The following NELL1 variants were observed in gnomAD, a reference collection of about 807,000 sequenced individuals.
The protein encoded by NELL1 is neural EGFL like 1.
A neutral mutation model predicts 107.4 loss-of-function variants in NELL1; 76 were observed. The observed-to-expected ratio is 0.71, with a 90% CI of 0.59 to 0.86. The LOEUF is 0.86. NELL1 is among the 40% of genes least tolerant of loss of function. The pLI, the probability that NELL1 is intolerant of heterozygous loss-of-function variation, is 0.00. For missense variants in NELL1, 1,024 were observed against 1,005.5 expected (o/e 1.02, Z -0.25); for synonymous variants, 353 against 341.2 (o/e 1.03, Z -0.38).
At chr11:21,458,509 TCA>T (rs1411428667) in intron 15 of NELL1, among the ~76,000 whole-genome samples, 1 of 152,178 alleles carries the variant, frequency 6.6e-6, no homozygotes, top group Non-Finnish European at 1.5e-5. Context: ...TATGGTGTAT[TCA>T]CAGAGTAGTC....
intron 2 of NELL1, among the ~76,000 whole-genome samples, chr11:20,692,320 T>A (rs1357560456): frequency 6.6e-6 from 1 of 152,110 alleles, no homozygotes; most frequent in Non-Finnish European, 1.5e-5. Flanking sequence ...TTTCTTGCCT[T>A]CTGCTAGCTT....
intron 13 of NELL1, among the ~76,000 whole-genome samples, chr11:21,192,956 A>C (rs1396237834): frequency 6.6e-6 from 1 of 151,872 alleles, no homozygotes; most frequent in African/African-American, 2.4e-5. Flanking sequence ...GTTTTTGTAG[A>C]GCTTTTAATG....
At chr11:20,820,903 A>T (rs1246152292) in intron 3 of NELL1, among the ~76,000 whole-genome samples, 1 of 152,128 alleles carries the variant, frequency 6.6e-6, no homozygotes, top group African/African-American at 2.4e-5. Context: ...ACCTAACAAT[A>T]TATATTTATT....
rs750008633 is a variant in NELL1 at position 20,927,311 on chromosome 11, A to C, written c.763A>C (p.Asn255His). 1.2e-6 allele frequency: 2 copies of C among 1,604,548 alleles called. No homozygotes were observed. Among genetic ancestry groups the C allele is most frequent in the South Asian group, 2.3e-5 (2 of 88,184 alleles). The change falls in exon 8 of 20, where the codon AAT becomes CAT. Residue 255 changes from asparagine (N) to histidine (H), a missense_variant. Transcript: ENST00000357134. Reference sequence around the variant, plus strand: ...ATTCAGTAACTCTTGTTTGCAGCTAAATTATGCAGAGACAAGACTTAGTCA... The same window carrying C: ...ATTCAGTAACTCTTGTTTGCAGCTACATTATGCAGAGACAAGACTTAGTCA... Reference protein sequence around the residue: ...ELLAKMTAKLNYAETRLSQLE... With the variant: ...ELLAKMTAKLHYAETRLSQLE...
chr11:21,145,063 T>C (rs1855947843), intron 13 of NELL1, among the ~76,000 whole-genome samples: 1 of 152,320 alleles, frequency 6.6e-6, no homozygotes, highest in South Asian at 2.1e-4. Flanking sequence ...AGTTGGCACA[T>C]GTAAAGCGCT....
intron 12 of NELL1, among the ~76,000 whole-genome samples, chr11:20,964,251 A>G (rs181984555): frequency 2.4e-3 from 358 of 152,218 alleles, no homozygotes; most frequent in African/African-American, 6.5e-3. Context: ...AGGAAAGTAT[A>G]GCAATAGGGG....
At chr11:20,908,616 G>A (rs554371028) in intron 5 of NELL1, among the ~76,000 whole-genome samples, 2 of 152,148 alleles carry the variant, frequency 1.3e-5, no homozygotes, top group East Asian at 3.9e-4. Context: ...AGCCCCCATG[G>A]CACACGTATA....
rs1237241848 is a variant in NELL1, at chr11:21,374,877, C to CTGTGTG, written c.1645+3933_1645+3938dup. Reference sequence around the variant, plus strand: ...CAGCTACCAGGCTGTGTGGAACTGACTGTGTGTGTCTGTGTGTGTGTGTGT... The same window carrying CTGTGTG: ...CAGCTACCAGGCTGTGTGGAACTGACTGTGTGTGTGTGTGTCTGTGTGTGTGTGTGT... On this transcript the variant is annotated intron_variant, in intron 15 of 19. Coordinates refer to ENST00000357134, the MANE Select transcript of NELL1 (RefSeq NM_006157.5). 8.2e-4 allele frequency among the ~76,000 whole-genome samples: 74 copies of CTGTGTG among 89,888 alleles called. 2 individuals carry two copies. The South Asian group carries it at 0.039, about 47-fold the overall frequency. 59.0% of individuals were successfully genotyped at this position (89,888 alleles called of 152,430 possible). A position where few individuals can be genotyped will look rare whatever the true frequency, so the allele number is the denominator to read the frequency against.
chr11:20,793,472 G>A (rs1857113232), intron 3 of NELL1, among the ~76,000 whole-genome samples: 1 of 151,926 alleles, frequency 6.6e-6, no homozygotes, highest in Admixed American at 6.6e-5. Flanking sequence ...TGATCAAGTG[G>A]ACTGTTTTTC....
chr11:20,949,172 C>T (rs997931463), intron 11 of NELL1, among the ~76,000 whole-genome samples: 1 of 152,138 alleles, frequency 6.6e-6, no homozygotes, highest in African/African-American at 2.4e-5. Flanking sequence ...ACTGTTGACC[C>T]CTCCCTTAGC....
intron 15 of NELL1, among the ~76,000 whole-genome samples, chr11:21,372,780 A>T (rs989350714): frequency 2.6e-5 from 4 of 152,042 alleles, no homozygotes; most frequent in African/African-American, 9.7e-5. Flanking sequence ...TACATTAGAA[A>T]TAACTGGAGG....
At chr11:21,390,484 C>G (rs1851846650) in intron 15 of NELL1, among the ~76,000 whole-genome samples, 1 of 150,190 alleles carries the variant, frequency 6.7e-6, no homozygotes, top group South Asian at 2.1e-4. Flanking sequence ...CTTTTTTCGA[C>G]CGCTCATCCA....
intron 15 of NELL1, among the ~76,000 whole-genome samples, chr11:21,498,789 A>G (rs1212814713): frequency 6.6e-6 from 1 of 152,068 alleles, no homozygotes; most frequent in Admixed American, 6.6e-5. Flanking sequence ...GCTTTTCTAC[A>G]TATTTTCACT....
At chr11:21,494,888 T>C (rs986301435) in intron 15 of NELL1, among the ~76,000 whole-genome samples, 2 of 152,050 alleles carry the variant, frequency 1.3e-5, no homozygotes, top group Admixed American at 6.6e-5. Flanking sequence ...ATATTTATTC[T>C]TTTTTAGAAA....
chr11:21,458,404 AT>A (rs1465810554), intron 15 of NELL1, among the ~76,000 whole-genome samples: 1 of 152,178 alleles, frequency 6.6e-6, no homozygotes, highest in African/African-American at 2.4e-5. Flanking sequence ...GTAGATAAAG[AT>A]TTATGTACAA....
intron 11 of NELL1, among the ~76,000 whole-genome samples, chr11:20,959,347 CATT>C (rs2134213043): frequency 6.6e-6 from 1 of 152,254 alleles, no homozygotes; most frequent in Admixed American, 6.5e-5. Context: ...GAAAAGAACT[CATT>C]ATACGAAAAA....
At chr11:21,476,540 C>G (rs1338785850) in intron 15 of NELL1, among the ~76,000 whole-genome samples, 1 of 152,032 alleles carries the variant, frequency 6.6e-6, no homozygotes, top group Non-Finnish European at 1.5e-5. Flanking sequence ...AGAAATGGAG[C>G]AAGATAGCCG....
intron 11 of NELL1, among the ~76,000 whole-genome samples, chr11:20,959,034 G>T (rs7123462): frequency 0.11 from 16,522 of 152,198 alleles, 1,214 homozygotes; most frequent in East Asian, 0.25. Flanking sequence ...TTTCAAAATT[G>T]GTGCTGATCC....
chr11:20,896,948 G>T (rs1849754496), intron 5 of NELL1, among the ~76,000 whole-genome samples: 2 of 152,146 alleles, frequency 1.3e-5, no homozygotes, highest in South Asian at 4.1e-4. Context: ...CCATGCTCAT[G>T]GGTAGGAAGA....
Sources: allele counts gnomAD v4.1 joint callset (sites outside exome capture counted in the v4.1 genomes callset), GRCh38; gene constraint gnomAD v4.1.1; transcripts MANE v1.5; gene names NCBI Gene and HGNC (gene_info 2026-07-23, HGNC 2026-07-21).